The following CC2D2A variants were observed in gnomAD, a reference collection of about 807,000 sequenced individuals.
CC2D2A encodes coiled-coil and C2 domain containing 2A.
Under a neutral mutation model 212.9 loss-of-function variants are expected in CC2D2A, and 155 were observed. The observed-to-expected ratio is 0.73, with a 90% CI of 0.64 to 0.83. CC2D2A has a LOEUF of 0.83. Ranked by LOEUF, CC2D2A falls within the 40% of genes least tolerant of loss-of-function variation. The probability of loss-of-function intolerance (pLI) is 0.00; values close to 1 mark genes in which losing one functional copy is unlikely to be tolerated. For synonymous variants in CC2D2A, 667 were observed against 686.5 expected (o/e 0.97, Z 0.44); for missense variants, 1,856 against 1,956.2 (o/e 0.95, Z 0.97).
intron 29 of CC2D2A, among the ~76,000 whole-genome samples, chr4:15,578,517 A>G (rs1330443603): frequency 6.6e-6 from 1 of 152,244 alleles, no homozygotes; most frequent in Non-Finnish European, 1.5e-5. Flanking sequence ...ACTGGAGATA[A>G]AAAAACAAAA....
chr4:15,550,314 A>G (rs1408139558), intron 17 of CC2D2A, among the ~76,000 whole-genome samples: 1 of 152,202 alleles, frequency 6.6e-6, no homozygotes, highest in African/African-American at 2.4e-5. Context: ...AACAAATAAA[A>G]TGAGGCCTGA....
At chr4:15,597,511 A>G (rs984842123) in intron 35 of CC2D2A, 46 bp downstream of exon 35, 4 of 1,440,656 alleles carry the variant, frequency 2.8e-6, no homozygotes, top group Middle Eastern at 1.7e-4. Context: ...CACTAGGAGT[A>G]TAATACCAAA....
At chr4:15,572,057 T>C (rs1329479299) in intron 28 of CC2D2A, among the ~76,000 whole-genome samples, 1 of 152,196 alleles carries the variant, frequency 6.6e-6, no homozygotes, top group African/African-American at 2.4e-5. Context: ...TAATTCCTAT[T>C]CTTAGGTCCT....
intron 10 of CC2D2A, among the ~76,000 whole-genome samples, chr4:15,516,208 C>G (rs1431672992): frequency 1.3e-5 from 2 of 152,076 alleles, no homozygotes; most frequent in East Asian, 3.8e-4. Flanking sequence ...CTGCTCAAAA[C>G]CCATCTTTGC....
Position 15,567,861 on chromosome 4 carries a change from G to A in CC2D2A, c.3398+75G>A, listed in dbSNP as rs974364389. The A allele has an allele frequency of 1.0e-5, 11 of 1,077,816 alleles. 1 individual carries two copies. The highest frequency in any genetic ancestry group is 3.2e-5 in the South Asian group (2 of 62,116). 66.8% of individuals were successfully genotyped at this position (1,077,816 alleles called of 1,614,324 possible). The stretch of plus-strand genomic sequence containing the variant: ...TGAAGAAAGCAGGCTCATGAGAAAC[G>A]GCTAAGGTGAAGGATTTTGTAGCTA... On this transcript the variant is annotated intron_variant, in intron 26 of 36. Transcript: ENST00000424120.
At chr4:15,592,829 C>T (rs182345286) in intron 33 of CC2D2A, among the ~76,000 whole-genome samples, 3 of 152,266 alleles carry the variant, frequency 2.0e-5, no homozygotes, top group Non-Finnish European at 4.4e-5. Context: ...TTATCAAAAT[C>T]TCACACAGCA....
chr4:15,570,338 G>T (rs888220415), intron 27 of CC2D2A, 60 bp from the exon 28 acceptor site: 2 of 1,053,984 alleles, frequency 1.9e-6, no homozygotes, highest in Admixed American at 4.4e-5. Flanking sequence ...CCTGCTGCCA[G>T]ATTAATTAAA....
At chr4:15,536,800 T>A (rs183091468) in intron 14 of CC2D2A, 120 bp from the exon 15 acceptor site, 2 of 860,380 alleles carry the variant, frequency 2.3e-6, no homozygotes, top group Non-Finnish European at 3.6e-6. Flanking sequence ...TGAGTTTACA[T>A]GTGCGACATT....
chr4:15,565,984 T>C (rs1055404453), intron 24 of CC2D2A, among the ~76,000 whole-genome samples: 9 of 152,216 alleles, frequency 5.9e-5, no homozygotes, highest in African/African-American at 2.2e-4. Flanking sequence ...ACCTGTTGCA[T>C]TAAATGTTCC....
chr4:15,571,616 A>AT (rs1720172942), intron 28 of CC2D2A, among the ~76,000 whole-genome samples: 1 of 151,758 alleles, frequency 6.6e-6, no homozygotes, highest in Admixed American at 6.6e-5. Flanking sequence ...CAAAAAAAAA[A>AT]AAAAGACCAA....
intron 19 of CC2D2A, among the ~76,000 whole-genome samples, chr4:15,553,968 A>C (rs913421652): frequency 6.6e-6 from 1 of 152,256 alleles, no homozygotes; most frequent in Non-Finnish European, 1.5e-5. Context: ...CATTGTGATC[A>C]TGAAGAAGAC....
At position 15,528,528 on chromosome 4, in the gene CC2D2A, A is replaced by G. The variant is rs559042779; in HGVS notation, c.1360-92A>G. On this transcript the variant is annotated intron_variant, in intron 12 of 36. Coordinates refer to ENST00000424120, the MANE Select transcript of CC2D2A (RefSeq NM_001378615.1). ...TCCGTTCCATTCACAGACTGATGGC[A>G]CCATTTTGCCCAGGAGAAGTGGGTG... 5.5e-5 allele frequency: 50 copies of G among 906,162 alleles called. No homozygotes were observed. The East Asian group carries it at 9.8e-4, about 18-fold the overall frequency. 56.1% of individuals were successfully genotyped at this position (906,162 alleles called of 1,614,324 possible).
At chr4:15,499,438 A>G (rs1372414828) in intron 4 of CC2D2A, among the ~76,000 whole-genome samples, 1 of 152,188 alleles carries the variant, frequency 6.6e-6, no homozygotes, top group Non-Finnish European at 1.5e-5. Context: ...ATTAAAGTCT[A>G]TTAAAAGTGA....
At chr4:15,516,417 G>A (rs551488445) in intron 10 of CC2D2A, among the ~76,000 whole-genome samples, 20 of 152,108 alleles carry the variant, frequency 1.3e-4, no homozygotes, top group African/African-American at 4.8e-4. Flanking sequence ...TTTTTAGGAA[G>A]CCAGGGTGTA....
At chr4:15,551,097 A>T in intron 18 of CC2D2A, 117 bp downstream of exon 18, 3 of 954,838 alleles carry the variant, frequency 3.1e-6, no homozygotes, top group Non-Finnish European at 4.3e-6. Context: ...CAAAAATTCA[A>T]ATTCAAACAA....
At chr4:15,511,127 T>C in intron 7 of CC2D2A, 120 bp from the exon 8 acceptor site, 2 of 1,113,678 alleles carry the variant, frequency 1.8e-6, no homozygotes. Flanking sequence ...TAAGACAATA[T>C]GCTTCGGAGG....
At chr4:15,517,635 G>GTC (rs1716960943) in intron 11 of CC2D2A, among the ~76,000 whole-genome samples, 1 of 152,162 alleles carries the variant, frequency 6.6e-6, no homozygotes, top group Non-Finnish European at 1.5e-5. Context: ...ATCCACATAA[G>GTC]TGTCTAAAAC....
intron 26 of CC2D2A, 120 bp downstream of exon 26, chr4:15,567,906 A>G (rs2109070902): frequency 1.5e-6 from 1 of 666,446 alleles, no homozygotes; most frequent in South Asian, 2.0e-5. Context: ...AACAAGATCC[A>G]GGTGTCCTGA....
At chr4:15,522,184 G>A (rs1228308547) in intron 11 of CC2D2A, among the ~76,000 whole-genome samples, 1 of 152,218 alleles carries the variant, frequency 6.6e-6, no homozygotes, top group Non-Finnish European at 1.5e-5. Context: ...TTGGTTGACA[G>A]AGCGAGACCT....
Sources: allele counts gnomAD v4.1 joint callset (sites outside exome capture counted in the v4.1 genomes callset), GRCh38; gene constraint gnomAD v4.1.1; transcripts MANE v1.5; gene names NCBI Gene and HGNC (gene_info 2026-07-23, HGNC 2026-07-21).